Variants in CEP295 observed in about 807,000 individuals in gnomAD.
CEP295 encodes centrosomal protein 295, also known as centrosomal protein of 295 kDa.
Under a neutral mutation model 291.6 loss-of-function variants are expected in CEP295, and 190 were observed. The observed-to-expected ratio is 0.65, with a 90% CI of 0.58 to 0.73. The LOEUF (loss-of-function observed/expected upper bound fraction) is 0.73, where lower values mean the gene tolerates loss of function less well. CEP295 is among the 30% of genes least tolerant of loss of function. The pLI, the probability that CEP295 is intolerant of heterozygous loss-of-function variation, is 0.00. For missense variants in CEP295, 2,863 were observed against 2,949.4 expected, an observed-to-expected ratio of 0.97 and a Z score of 0.68; for synonymous variants, 993 against 1,038.8, an observed-to-expected ratio of 0.96 and a Z score of 0.85.
Position 93,727,279 on chromosome 11 carries a change from C to G in CEP295, c.6803C>G (p.Thr2268Arg). 6.4e-7 allele frequency: 1 copy of G among 1,551,638 alleles called. No individual in the cohort carries two copies. Among genetic ancestry groups the G allele is most frequent in the Non-Finnish European group, 8.7e-7 (1 of 1,146,956 alleles). ...GGTTCTAACTCTAGTGAGTGCTCAACAAAACACCAACTAGAAAGCAGAAAG... is the reference window on the plus strand; with the variant it reads ...GGTTCTAACTCTAGTGAGTGCTCAAGAAAACACCAACTAGAAAGCAGAAAG... ...PCGSNSSECS[T>R]KHQLESRKES... is the part of the protein sequence containing the mutation. Residue 2268 changes from threonine (T) to arginine (R), a missense_variant, in exon 24 of 30, where the codon ACA becomes AGA. Thr to Arg is a moderately conservative substitution (Grantham distance 71). This residue lies in a region of CEP295 where 2,295 missense variants were observed against 2,335.7 expected (regional missense o/e 0.98). Transcript: ENST00000325212.
chr11:93,715,154 C>T (rs1216889605), intron 18 of CEP295, among the ~76,000 whole-genome samples: 1 of 151,972 alleles, frequency 6.6e-6, no homozygotes, highest in Non-Finnish European at 1.5e-5. Flanking sequence ...ATCTTTAGAA[C>T]TCTACTGGGT....
chr11:93,701,477 G>A (rs1952153083), intron 15 of CEP295, among the ~76,000 whole-genome samples: 1 of 152,174 alleles, frequency 6.6e-6, no homozygotes, highest in African/African-American at 2.4e-5. Flanking sequence ...AAGAGTTAAC[G>A]TCAAGAGATT....
chr11:93,702,522 G>A lies in CEP295; in HGVS notation c.5337G>A (p.Trp1779Ter), dbSNP rs1412324653. 2.6e-6 allele frequency: 4 copies of A among 1,550,622 alleles called. No individual in the cohort carries two copies. Among genetic ancestry groups the A allele is most frequent in the Non-Finnish European group, 3.5e-6 (4 of 1,146,644 alleles). ...KTQKMGQLRD[W>*]FPNTQDLAGN... ...AGAAGATGGGGCAGCTCAGAGACTG[G>A]TTTCCTAATACACAAGACCTAGCAG... is the stretch of plus-strand genomic sequence containing the variant. The change falls in exon 16 of 30, where the codon TGG (tryptophan) becomes TGA (stop). Residue 1779 changes from tryptophan (W) to a stop codon, truncating the protein, a stop_gained. Transcript: ENST00000325212. LOFTEE classifies it high-confidence loss of function.
chr11:93,729,351 C>A, intron 25 of CEP295, 83 bp from the exon 26 acceptor site: 1 of 897,734 alleles, frequency 1.1e-6, no homozygotes, highest in Non-Finnish European at 1.8e-6. Flanking sequence ...TGTGATCATG[C>A]CGCTGCACTC....
At chr11:93,662,523 G>A (rs975066522) in intron 1 of CEP295, among the ~76,000 whole-genome samples, 1 of 152,152 alleles carries the variant, frequency 6.6e-6, no homozygotes, top group Non-Finnish European at 1.5e-5. Flanking sequence ...TGCAAGATAA[G>A]TAGTATAATC....
chr11:93,664,950 T>G (rs915925730), intron 1 of CEP295, among the ~76,000 whole-genome samples: 1 of 152,202 alleles, frequency 6.6e-6, no homozygotes, highest in African/African-American at 2.4e-5. Flanking sequence ...AAGAGCAAAC[T>G]GTAATTGATG....
At chr11:93,693,057 C>A (rs1951664309) in intron 12 of CEP295, among the ~76,000 whole-genome samples, 1 of 151,206 alleles carries the variant, frequency 6.6e-6, no homozygotes, top group Non-Finnish European at 1.5e-5. Flanking sequence ...GCGGGTGGAT[C>A]ACGAGGTCAG....
chr11:93,720,559 C>T (rs1953638855), intron 18 of CEP295, among the ~76,000 whole-genome samples: 1 of 151,516 alleles, frequency 6.6e-6, no homozygotes, highest in African/African-American at 2.4e-5. Context: ...AAAATTACTC[C>T]TTGTGCTACC....
Position 93,666,814 on chromosome 11 carries a change from AG to A in CEP295, c.108+1del, listed in dbSNP as rs1423527319. On this transcript the variant is annotated frameshift_variant and splice_region_variant, in exon 2 of 30. Coordinates refer to ENST00000325212, the MANE Select transcript of CEP295 (RefSeq NM_033395.2). LOFTEE classifies it high-confidence loss of function. ...YERRRKLRLL[Q>X]VREQERDIAL... ...AGAAGGCGAAAACTAAGATTGCTACAGGTATGACTTATTTGTAATAAAGTTT... is the reference window on the plus strand; with the variant it reads ...AGAAGGCGAAAACTAAGATTGCTACAGTATGACTTATTTGTAATAAAGTTT... 6.8e-7 allele frequency: 1 copy of A among 1,470,754 alleles called. No individual in the cohort carries two copies. Among genetic ancestry groups the A allele is most frequent in the Non-Finnish European group, 9.3e-7 (1 of 1,079,998 alleles). 91.1% of individuals were successfully genotyped at this position (1,470,754 alleles called of 1,614,324 possible).
chr11:93,667,457 C>A, intron 2 of CEP295, 150 bp from the exon 3 acceptor site: 1 of 578,590 alleles, frequency 1.7e-6, no homozygotes. Context: ...AGATTTTCTG[C>A]TTTAAATAGT....
intron 18 of CEP295, among the ~76,000 whole-genome samples, chr11:93,715,422 C>T (rs1025972633): frequency 1.3e-5 from 2 of 151,938 alleles, no homozygotes; most frequent in South Asian, 2.1e-4. Context: ...TCAGAGATGC[C>T]ATCCAAGAGC....
Position 93,705,789 on chromosome 11 carries a change from G to A in CEP295, c.5597-956G>A, listed in dbSNP as rs186960751. On this transcript the variant is annotated intron_variant, in intron 17 of 29. Transcript: ENST00000325212. ...CCAATTGGAGGTTCTCTTGGGGTGA[G>A]GGGCTATATGTGCTGTTGGACTTTA... Among the ~76,000 whole-genome samples, 725 of 152,266 alleles carry A rather than the reference G, an allele frequency of 4.8e-3. 6 individuals are homozygous for A. Among genetic ancestry groups the A allele is most frequent in the African/African-American group, 0.016 (648 of 41,558 alleles).
rs1339596939 is a variant in CEP295, at chr11:93,697,327, A to G, written c.2415A>G (p.Gly805=). The change falls in exon 15 of 30, where the codon GGA becomes GGG. Residue 805 remains glycine (G), a synonymous_variant. Coordinates refer to ENST00000325212, the MANE Select transcript of CEP295 (RefSeq NM_033395.2). ...CTCTGCCTGTTAAAGTTGAGTCAGG[A>G]AAAATTCAAGAACCCTTTTCAGCCA... ...FSSLPVKVES[G]KIQEPFSAMS... is the part of the protein sequence containing the mutation. 6.4e-7 allele frequency: 1 copy of G among 1,551,794 alleles called. No individual in the cohort carries two copies. The highest frequency in any genetic ancestry group is 8.7e-7 in the Non-Finnish European group (1 of 1,147,010).
chr11:93,668,542 A>G (rs528098834), intron 3 of CEP295, among the ~76,000 whole-genome samples: 2 of 152,224 alleles, frequency 1.3e-5, no homozygotes, highest in East Asian at 3.9e-4. Context: ...TATTTTACGT[A>G]CTTTAACCAT....
At chr11:93,680,083 C>T (rs1298108429) in intron 7 of CEP295, among the ~76,000 whole-genome samples, 2 of 151,914 alleles carry the variant, frequency 1.3e-5, no homozygotes, top group South Asian at 2.1e-4. Context: ...TTAAGACCAG[C>T]TTGGAAAACA....
chr11:93,678,245 C>A (rs1003104328), intron 6 of CEP295, among the ~76,000 whole-genome samples: 2 of 152,048 alleles, frequency 1.3e-5, no homozygotes, highest in African/African-American at 4.8e-5. Flanking sequence ...ATATTGTTCT[C>A]AGAGGTTATA....
chr11:93,675,406 T>C (rs1950638776), intron 5 of CEP295, among the ~76,000 whole-genome samples, 165 bp from the exon 6 acceptor site: 1 of 152,150 alleles, frequency 6.6e-6, no homozygotes, highest in Admixed American at 6.5e-5. Context: ...TTATTAAAAT[T>C]TGAAGTAATT....
Position 93,706,892 on chromosome 11 carries a change from A to T in CEP295, c.5744A>T (p.Glu1915Val), listed in dbSNP as rs764627524. The change falls in exon 18 of 30, where the codon GAA becomes GTA. Residue 1915 changes from glutamate (E) to valine (V), a missense_variant. Glu to Val is a moderately radical substitution (Grantham distance 121). This residue lies in a region of CEP295 where 2,295 missense variants were observed against 2,335.7 expected (regional missense o/e 0.98). Coordinates refer to ENST00000325212, the MANE Select transcript of CEP295 (RefSeq NM_033395.2). ...QENVCGDDYD[E>V]AVKLKESVVE... ...AATGTCTGTGGTGATGACTATGATG[A>T]AGCAGGTGAGAAATAAATGGAAAGT... is the stretch of plus-strand genomic sequence containing the variant. The T allele has an allele frequency of 2.0e-6, 3 of 1,530,664 alleles. No homozygotes were observed. In the South Asian group the frequency reaches 3.7e-5, roughly 19 times the overall value. 94.8% of individuals were successfully genotyped at this position (1,530,664 alleles called of 1,614,324 possible). A position where few individuals can be genotyped will look rare whatever the true frequency, so the allele number is the denominator to read the frequency against.
At position 93,715,302 on chromosome 11, in the gene CEP295, TG is replaced by T. The variant is rs147236733; in HGVS notation, c.5750-6009del. Among the ~76,000 whole-genome samples, 478 of 152,272 alleles carry T rather than the reference TG, an allele frequency of 3.1e-3. 9 individuals are homozygous for T. The East Asian group carries it at 0.052, about 16-fold the overall frequency. On this transcript the variant is annotated intron_variant, in intron 18 of 29. Coordinates refer to ENST00000325212, the MANE Select transcript of CEP295 (RefSeq NM_033395.2). Reference sequence around the variant, plus strand: ...ATGGAGAGTACTATCATGGTACCACTGATGATCACTTAAGGCCCAGTGGCTC... The same window carrying T: ...ATGGAGAGTACTATCATGGTACCACTATGATCACTTAAGGCCCAGTGGCTC...
Sources: gnomAD v4.1 joint callset for allele counts (sites outside exome capture counted in the v4.1 genomes callset) on GRCh38, gnomAD v4.1.1 for gene constraint, gnomAD v4.1.1 regional missense constraint, MANE v1.5 for transcripts, NCBI Gene and HGNC (gene_info 2026-07-23, HGNC 2026-07-21) for gene names.